The following SMG6 variants were observed in gnomAD, a reference collection of about 807,000 sequenced individuals.
SMG6 encodes the protein telomerase-binding protein EST1A.
A neutral mutation model predicts 142.2 loss-of-function variants in SMG6; 66 were observed. That is an observed-to-expected ratio of 0.46 (90% CI 0.38 to 0.57). The LOEUF (loss-of-function observed/expected upper bound fraction) is 0.57, where lower values mean the gene tolerates loss of function less well. SMG6 is among the 20% of genes least tolerant of loss of function. SMG6 has a pLI of 0.00. For synonymous variants in SMG6, 779 were observed against 702.4 expected (o/e 1.11, Z -1.72); for missense variants, 1,793 against 1,832.0 (o/e 0.98, Z 0.39).
At chr17:2,195,674 AC>A (rs2072302543) in intron 10 of SMG6, among the ~76,000 whole-genome samples, 1 of 152,164 alleles carries the variant, frequency 6.6e-6, no homozygotes, top group African/African-American at 2.4e-5. Context: ...ACATTTTGAG[AC>A]CTATGTTAGG....
At chr17:2,301,568 C>A (rs919479822) in intron 1 of SMG6, among the ~76,000 whole-genome samples, 5 of 149,162 alleles carry the variant, frequency 3.4e-5, no homozygotes, top group African/African-American at 1.3e-4. Flanking sequence ...CTCGGCCGGG[C>A]GCGGTGGGTC....
chr17:2,222,182 A>T (rs921578708), intron 10 of SMG6, among the ~76,000 whole-genome samples: 12 of 152,310 alleles, frequency 7.9e-5, no homozygotes, highest in African/African-American at 2.6e-4. Flanking sequence ...TTCTTGCAGA[A>T]TAGTAGAGGA....
At chr17:2,124,660 G>A (rs374871683) in intron 13 of SMG6, among the ~76,000 whole-genome samples, 3 of 152,086 alleles carry the variant, frequency 2.0e-5, no homozygotes, top group South Asian at 2.1e-4. Flanking sequence ...TGATCTCCCC[G>A]GGGAGTCATT....
intron 13 of SMG6, among the ~76,000 whole-genome samples, chr17:2,092,088 C>A (rs1253813911): frequency 6.6e-6 from 1 of 151,870 alleles, no homozygotes; most frequent in East Asian, 1.9e-4. Context: ...CGGGTTGAAG[C>A]GATTCTCCTG....
chr17:2,074,936 G>A (rs1335415753), intron 15 of SMG6, among the ~76,000 whole-genome samples: 2 of 152,232 alleles, frequency 1.3e-5, no homozygotes, highest in South Asian at 2.1e-4. Context: ...TGGCCACTCT[G>A]TGGGAAGCCA....
At chr17:2,112,178 G>A (rs2069341030) in intron 13 of SMG6, among the ~76,000 whole-genome samples, 1 of 151,586 alleles carries the variant, frequency 6.6e-6, no homozygotes, top group Non-Finnish European at 1.5e-5. Flanking sequence ...AAATCTTCCT[G>A]ATTAAATTTC....
chr17:2,217,206 CATTATA>C (rs2073044272), intron 10 of SMG6, among the ~76,000 whole-genome samples: 1 of 151,982 alleles, frequency 6.6e-6, no homozygotes, highest in African/African-American at 2.4e-5. Flanking sequence ...TTCTTTTTAT[CATTATA>C]ATTTTTAAAA....
chr17:2,121,295 T>A (rs147430022), intron 13 of SMG6, among the ~76,000 whole-genome samples: 2,564 of 152,290 alleles, frequency 0.017, 31 homozygotes, highest in Non-Finnish European at 0.023. Flanking sequence ...TAAAATGGAA[T>A]ACTACTCAGC....
intron 13 of SMG6, among the ~76,000 whole-genome samples, chr17:2,096,624 G>T (rs563172314): frequency 6.6e-6 from 1 of 152,282 alleles, no homozygotes; most frequent in South Asian, 2.1e-4. Flanking sequence ...GGAGTTGCAG[G>T]TGTGAGCCGC....
At chr17:2,074,647 G>A (rs530523897) in intron 15 of SMG6, among the ~76,000 whole-genome samples, 1 of 152,232 alleles carries the variant, frequency 6.6e-6, no homozygotes, top group Non-Finnish European at 1.5e-5. Context: ...ACTGTCAAGT[G>A]CTCAAGGAGA....
At chr17:2,087,233 G>A (rs1187259013) in intron 13 of SMG6, 19 of 1,289,654 alleles carry the variant, frequency 1.5e-5, no homozygotes, top group Middle Eastern at 2.3e-4. Flanking sequence ...CAGTAAAGAC[G>A]GACAGCCCAG....
chr17:2,219,200 C>A (rs1040764907), intron 10 of SMG6, among the ~76,000 whole-genome samples: 1 of 151,440 alleles, frequency 6.6e-6, no homozygotes, highest in Non-Finnish European at 1.5e-5. Context: ...GCCTGGCCAA[C>A]AAGACAAAGC....
At chr17:2,092,228 C>G (rs552642848) in intron 13 of SMG6, among the ~76,000 whole-genome samples, 73 of 152,282 alleles carry the variant, frequency 4.8e-4, no homozygotes, top group African/African-American at 1.7e-3. Flanking sequence ...TCAAGTGATC[C>G]ACCGCGCCCG....
At chr17:2,208,572 C>A (rs1488205418) in intron 10 of SMG6, among the ~76,000 whole-genome samples, 2 of 152,198 alleles carry the variant, frequency 1.3e-5, no homozygotes, top group Non-Finnish European at 2.9e-5. Context: ...CAATTCGTTT[C>A]TTTATATTCA....
Position 2,299,638 on chromosome 17 carries a change from T to C in SMG6, c.1115A>G (p.Asp372Gly), listed in dbSNP as rs755244995. The C allele has an allele frequency of 9.9e-6, 16 of 1,614,098 alleles. No individual in the cohort carries two copies. In the East Asian group the frequency reaches 3.1e-4, roughly 31 times the overall value. Residue 372 changes from aspartate (D) to glycine (G), a missense_variant, in exon 2 of 19, where the codon GAT (aspartate) becomes GGT (glycine). Physicochemically the swap from Asp to Gly is moderately conservative, Grantham distance 94 (BLOSUM62 -1). Transcript: ENST00000263073. The surrounding 1 kb of genome is among the most constrained non-coding windows in gnomAD (Gnocchi z 4.3). ...ESPMVRSARDDMDRGKPDKGL... is the reference protein window; with the variant it reads ...ESPMVRSARDGMDRGKPDKGL... ...TTTGTCAGGCTTTCCTCTATCCATA[T>C]CATCCCTGGCTGACCTCACCATGGG...
At chr17:2,204,190 T>C (rs548842858) in intron 10 of SMG6, among the ~76,000 whole-genome samples, 6 of 152,240 alleles carry the variant, frequency 3.9e-5, no homozygotes, top group African/African-American at 7.2e-5. Context: ...AATTCCGAGA[T>C]AGGTGAGACA....
At chr17:2,151,096 T>C (rs565159087) in intron 13 of SMG6, among the ~76,000 whole-genome samples, 1 of 152,332 alleles carries the variant, frequency 6.6e-6, no homozygotes, top group East Asian at 1.9e-4. Context: ...CAGCACCAGC[T>C]GAAATGGACA....
intron 13 of SMG6, among the ~76,000 whole-genome samples, chr17:2,098,052 G>A (rs1597380442): frequency 6.6e-6 from 1 of 152,108 alleles, no homozygotes; most frequent in African/African-American, 2.4e-5. Flanking sequence ...ACAGTGACGA[G>A]ATCATGGTTC....
At chr17:2,204,792 A>C (rs1567681351) in intron 10 of SMG6, among the ~76,000 whole-genome samples, 1 of 151,982 alleles carries the variant, frequency 6.6e-6, no homozygotes, top group Non-Finnish European at 1.5e-5. Flanking sequence ...GCAAAACCTC[A>C]CCTCTATTAA....
Sources: allele counts gnomAD v4.1 joint callset (sites outside exome capture counted in the v4.1 genomes callset), GRCh38; gene constraint gnomAD v4.1.1; non-coding constraint Gnocchi (gnomAD v3.1); transcripts MANE v1.5; gene names NCBI Gene and HGNC (gene_info 2026-07-23, HGNC 2026-07-21).